The following GATB variants were observed in gnomAD, a reference collection of about 807,000 sequenced individuals.
The protein encoded by GATB is glutamyl-tRNA(Gln) amidotransferase subunit B, mitochondrial.
GATB carries 39 observed loss-of-function variants against 62.3 expected under a neutral mutation model. The ratio of observed to expected loss-of-function variants is 0.63; its 90% confidence interval spans 0.48 to 0.82. The LOEUF (loss-of-function observed/expected upper bound fraction) is 0.82, where lower values mean the gene tolerates loss of function less well. GATB is among the 40% of genes least tolerant of loss of function. GATB has a pLI of 0.00. For synonymous variants in GATB, 276 were observed against 258.9 expected (o/e 1.07, Z -0.63); for missense variants, 670 against 684.0 (o/e 0.98, Z 0.23).
intron 5 of GATB, among the ~76,000 whole-genome samples, chr4:151,710,609 C>T (rs1738798841): frequency 6.6e-6 from 1 of 152,214 alleles, no homozygotes; most frequent in Non-Finnish European, 1.5e-5. Context: ...ACAGGACACG[C>T]TTGTCTTCAC....
At chr4:151,676,532 G>C (rs1241802335) in intron 11 of GATB, 1 of 148,720 alleles carries the variant, frequency 6.7e-6, no homozygotes, top group Non-Finnish European at 1.5e-5. Flanking sequence ...GTCACAAGAG[G>C]CTTGGGAATC....
At chr4:151,739,093 T>A (rs538736740) in intron 2 of GATB, among the ~76,000 whole-genome samples, 2 of 152,252 alleles carry the variant, frequency 1.3e-5, no homozygotes, top group Non-Finnish European at 1.5e-5. Flanking sequence ...CTGCAAAGCA[T>A]GACAAAGACC....
intron 2 of GATB, among the ~76,000 whole-genome samples, chr4:151,748,334 G>T (rs577839240): frequency 2.0e-5 from 3 of 152,284 alleles, no homozygotes; most frequent in Admixed American, 2.0e-4. Flanking sequence ...CAATGGAACA[G>T]AACAGAGCCC....
At chr4:151,726,350 T>C (rs576865119) in intron 2 of GATB, among the ~76,000 whole-genome samples, 1 of 152,266 alleles carries the variant, frequency 6.6e-6, no homozygotes, top group South Asian at 2.1e-4. Context: ...ACTGAGCCCT[T>C]TTATCATCAC....
intron 2 of GATB, among the ~76,000 whole-genome samples, chr4:151,749,637 T>TAATTA (rs1553970323): frequency 6.0e-5 from 9 of 150,444 alleles, no homozygotes; most frequent in African/African-American, 2.2e-4. Flanking sequence ...TCAAGTATAA[T>TAATTA]TATATATATA....
At position 151,695,930 on chromosome 4, in the gene GATB, A is replaced by ATTTTT. The variant is rs57028979; in HGVS notation, c.1197+5394_1197+5398dup. On this transcript the variant is annotated intron_variant, in intron 9 of 12. Transcript: ENST00000263985. Reference sequence around the variant, plus strand: ...GTGCCACCATGCCCGGCTAATTTAAATTTTTTTTTTTTTTTTTTTTTTGTA... The same window carrying ATTTTT: ...GTGCCACCATGCCCGGCTAATTTAAATTTTTTTTTTTTTTTTTTTTTTTTTTTGTA... Among the ~76,000 whole-genome samples the ATTTTT allele has an allele frequency of 1.5e-4, 18 of 122,842 alleles. 1 individual carries two copies. Among genetic ancestry groups the ATTTTT allele is most frequent in the Non-Finnish European group, 1.8e-4 (11 of 60,018 alleles). 80.6% of individuals were successfully genotyped at this position (122,842 alleles called of 152,430 possible). A position where few individuals can be genotyped will look rare whatever the true frequency, so the allele number is the denominator to read the frequency against.
chr4:151,736,630 A>G (rs1435741128), intron 2 of GATB, among the ~76,000 whole-genome samples: 1 of 152,204 alleles, frequency 6.6e-6, no homozygotes, highest in Non-Finnish European at 1.5e-5. Context: ...TATGAAGTGG[A>G]AGTATCTGTG....
chr4:151,680,024 G>A lies in GATB; in HGVS notation c.1332-133C>T, dbSNP rs554282040. Reference sequence around the variant, plus strand: ...CCCACGCCTAGGGATGAAAACAGCAGGCCAACTGGGCTCTCTTTTATTTTA... The same window carrying A: ...CCCACGCCTAGGGATGAAAACAGCAAGCCAACTGGGCTCTCTTTTATTTTA... On this transcript the variant is annotated intron_variant, in intron 10 of 12. Transcript: ENST00000263985. 4.4e-6 allele frequency: 3 copies of A among 677,104 alleles called. No individual in the cohort carries two copies. The South Asian group carries it at 5.4e-5, about 12-fold the overall frequency. The allele number at this position is 677,104 out of a possible 1,614,324, so 41.9% of individuals were successfully genotyped here.
intron 2 of GATB, among the ~76,000 whole-genome samples, chr4:151,748,963 C>T (rs1365510706): frequency 3.3e-5 from 5 of 152,200 alleles, no homozygotes; most frequent in Non-Finnish European, 7.3e-5. Context: ...AGTGAGATAT[C>T]ATCTCACACC....
chr4:151,738,511 T>C (rs1739423893), intron 2 of GATB, among the ~76,000 whole-genome samples: 1 of 152,210 alleles, frequency 6.6e-6, no homozygotes, highest in African/African-American at 2.4e-5. Flanking sequence ...CCAATAAACT[T>C]CTTTCTTTTG....
intron 2 of GATB, among the ~76,000 whole-genome samples, chr4:151,747,753 C>G (rs992372147): frequency 2.0e-5 from 3 of 152,078 alleles, no homozygotes; most frequent in Non-Finnish European, 4.4e-5. Flanking sequence ...CAAGTGCCAA[C>G]GGGAAATAAA....
At position 151,715,994 on chromosome 4, in the gene GATB, T is replaced by C. The variant is rs767155504; in HGVS notation, c.763+15A>G. The C allele has an allele frequency of 2.5e-6, 4 of 1,612,798 alleles. No homozygotes were observed. Among genetic ancestry groups the C allele is most frequent in the Non-Finnish European group, 2.5e-6 (3 of 1,179,448 alleles). ...AGGGAGAGGGAAAGAAGAATACTGCTTCTGTGGCTTCTACCTGCCATGTTC... is the reference window on the plus strand; with the variant it reads ...AGGGAGAGGGAAAGAAGAATACTGCCTCTGTGGCTTCTACCTGCCATGTTC... On this transcript the variant is annotated intron_variant, in intron 5 of 12. Coordinates refer to ENST00000263985, the MANE Select transcript of GATB (RefSeq NM_004564.3).
Position 151,701,443 on chromosome 4 carries a change from C to A in GATB, c.1083G>T (p.Gln361His). 6.2e-7 allele frequency: 1 copy of A among 1,603,366 alleles called. No homozygotes were observed. Among genetic ancestry groups the A allele is most frequent in the Non-Finnish European group, 8.5e-7 (1 of 1,174,696 alleles). Residue 361 changes from glutamine to histidine, a missense_variant, in exon 9 of 13, where the codon CAG becomes CAT. Transcript: ENST00000263985. ...GAATCTGGTCAATATTGATCACTTG[C>A]TGTGGGTCTGCACCTGCGGGCAGAG... ...ATSLPAGADP[Q>H]QVINIDQIRE...
intron 9 of GATB, among the ~76,000 whole-genome samples, chr4:151,698,965 T>C (rs1430056017): frequency 1.3e-5 from 2 of 151,982 alleles, no homozygotes; most frequent in Non-Finnish European, 2.9e-5. Flanking sequence ...ATCTGTCCTG[T>C]GGGCTGGTTA....
At chr4:151,699,635 C>G (rs1401466934) in intron 9 of GATB, among the ~76,000 whole-genome samples, 1 of 152,134 alleles carries the variant, frequency 6.6e-6, no homozygotes. Context: ...GTCCCCATCA[C>G]CGCTCATGAA....
intron 5 of GATB, among the ~76,000 whole-genome samples, chr4:151,711,170 G>T (rs1484400938): frequency 6.6e-6 from 1 of 152,120 alleles, no homozygotes; most frequent in Non-Finnish European, 1.5e-5. Context: ...GTCCAAAACA[G>T]CATCATCTTC....
intron 10 of GATB, among the ~76,000 whole-genome samples, chr4:151,680,868 T>G (rs1238885946): frequency 1.3e-5 from 2 of 152,202 alleles, no homozygotes; most frequent in Non-Finnish European, 2.9e-5. Flanking sequence ...TCAAAAAGTT[T>G]TAGATTTTGA....
At chr4:151,738,173 G>T (rs982953620) in intron 2 of GATB, among the ~76,000 whole-genome samples, 2 of 152,168 alleles carry the variant, frequency 1.3e-5, no homozygotes, top group Non-Finnish European at 2.9e-5. Context: ...GAAGGAGACT[G>T]TACCCTGCAA....
chr4:151,735,944 A>T (rs1236763251), intron 2 of GATB, among the ~76,000 whole-genome samples: 2 of 151,690 alleles, frequency 1.3e-5, no homozygotes, highest in Non-Finnish European at 2.9e-5. Context: ...TGATGGGTGC[A>T]CCAGGATCTC....
Sources: allele counts gnomAD v4.1 joint callset (sites outside exome capture counted in the v4.1 genomes callset), GRCh38; gene constraint gnomAD v4.1.1; transcripts MANE v1.5; gene names NCBI Gene and HGNC (gene_info 2026-07-23, HGNC 2026-07-21).